UMODL1: variants seen among roughly 807,000 people sequenced by gnomAD.
UMODL1 encodes uromodulin like 1.
In UMODL1, 128 loss-of-function variants were observed where a neutral mutation model predicts 136.3. That is an observed-to-expected ratio of 0.94 (90% CI 0.81 to 1.09). The LOEUF (loss-of-function observed/expected upper bound fraction) is 1.09, where lower values mean the gene tolerates loss of function less well. Among genes scored for constraint, UMODL1 ranks in the 50% least tolerant of loss-of-function variants. UMODL1 has a pLI of 0.00. For missense variants in UMODL1, 1,766 were observed against 1,725.6 expected (o/e 1.02, Z -0.41); for synonymous variants, 721 against 720.0 (o/e 1.00, Z -0.02).
chr21:42,084,098 G>A lies in UMODL1; in HGVS notation c.334G>A (p.Gly112Arg), dbSNP rs775801275. 3.2e-5 allele frequency: 52 copies of A among 1,613,904 alleles called. No individual in the cohort carries two copies. The highest frequency in any genetic ancestry group is 1.5e-4 in the Admixed American group (9 of 59,966). ...TTTTCTCCCAGCCCTGAATCAGTCC[G>A]GGCAGTTCACGTCAAGACCTGGGGC... ...LYCVLPLNQSGQFTSRPGACP... is the reference protein window; with the variant it reads ...LYCVLPLNQSRQFTSRPGACP... The change falls in exon 3 of 23, where the codon GGG becomes AGG. Residue 112 changes from glycine to arginine, a missense_variant. Transcript: ENST00000408910.
At position 42,115,878 on chromosome 21, in the gene UMODL1, C is replaced by T. The variant is rs200664665; in HGVS notation, c.2368C>T (p.Arg790Trp). ...RAHLKVRTAA[R>W]KLIGKVRIKN... Reference sequence around the variant, plus strand: ...GCTTATCCTCCATCCTGCAGCAGCCCGGAAGCTCATTGGAAAGGTCAGAAT... The same window carrying T: ...GCTTATCCTCCATCCTGCAGCAGCCTGGAAGCTCATTGGAAAGGTCAGAAT... The change falls in exon 14 of 23, where the codon CGG (arginine) becomes TGG (tryptophan). Residue 790 changes from arginine to tryptophan, a missense_variant. Coordinates refer to ENST00000408910, the MANE Select transcript of UMODL1 (RefSeq NM_001004416.3). The T allele has an allele frequency of 5.2e-3, 8,451 of 1,613,676 alleles. 34 individuals carry two copies. The highest frequency in any genetic ancestry group is 6.3e-3 in the Non-Finnish European group (7,489 of 1,179,702).
chr21:42,137,062 C>T (rs1253196911), intron 21 of UMODL1, among the ~76,000 whole-genome samples: 1 of 152,206 alleles, frequency 6.6e-6, no homozygotes, highest in Non-Finnish European at 1.5e-5. Context: ...AGCCTGCACT[C>T]TCTATTTTTT....
rs564368897 is a variant in UMODL1, at chr21:42,116,726, A to G, written c.2475+741A>G. On this transcript the variant is annotated intron_variant, in intron 14 of 22. Transcript: ENST00000408910. Reference sequence around the variant, plus strand: ...GACTATTTTGCAAAATTGTGCAACCATCACTACTAATTCCAGAACATTTTC... The same window carrying G: ...GACTATTTTGCAAAATTGTGCAACCGTCACTACTAATTCCAGAACATTTTC... Among the ~76,000 whole-genome samples, 3 of 152,276 alleles carry G rather than the reference A, an allele frequency of 2.0e-5. No individual in the cohort carries two copies. In the South Asian group the frequency reaches 6.2e-4, roughly 32 times the overall value.
At chr21:42,086,560 A>G (rs1417454569) in intron 4 of UMODL1, 3 of 455,830 alleles carry the variant, frequency 6.6e-6, no homozygotes, top group Non-Finnish European at 1.3e-5. Flanking sequence ...ATTGGCCAGT[A>G]AGAAACTAGC....
chr21:42,128,428 G>T (rs2067090863), intron 20 of UMODL1, among the ~76,000 whole-genome samples: 1 of 152,208 alleles, frequency 6.6e-6, no homozygotes, highest in Non-Finnish European at 1.5e-5. Context: ...AGCTTAGGGA[G>T]CTCCGCTGCT....
upstream of UMODL1, among the ~76,000 whole-genome samples, chr21:42,069,229 A>AACACACACACACAC (rs61712292): frequency 0.092 from 12,475 of 136,200 alleles, 686 homozygotes; most frequent in Admixed American, 0.11. Flanking sequence ...CACAGACAGA[A>AACACACACACACAC]ACACACACAC....
intron 14 of UMODL1, among the ~76,000 whole-genome samples, chr21:42,117,814 A>G (rs1335815622): frequency 6.6e-6 from 1 of 152,264 alleles, no homozygotes; most frequent in African/African-American, 2.4e-5. Flanking sequence ...ATATTAAACA[A>G]CAAACACTGA....
At position 42,115,987 on chromosome 21, in the gene UMODL1, T is replaced by C; in HGVS notation, c.2475+2T>C. On this transcript the variant is annotated splice_donor_variant, in intron 14 of 22. Transcript: ENST00000408910. LOFTEE classifies it high-confidence loss of function. ...TTCCTAGAACTATTCTTCAGGATGGTGAGTTGGTGATATCAGCCCTTAATT... is the reference window on the plus strand; with the variant it reads ...TTCCTAGAACTATTCTTCAGGATGGCGAGTTGGTGATATCAGCCCTTAATT... The C allele has an allele frequency of 1.2e-6, 2 of 1,607,856 alleles. No homozygotes were observed. Among genetic ancestry groups the C allele is most frequent in the Non-Finnish European group, 1.7e-6 (2 of 1,175,344 alleles).
intron 22 of UMODL1, among the ~76,000 whole-genome samples, chr21:42,138,763 C>T (rs1328882546): frequency 6.6e-6 from 1 of 152,062 alleles, no homozygotes; most frequent in African/African-American, 2.4e-5. Context: ...TTAGTAGATA[C>T]AGGGTTTCTC....
intron 20 of UMODL1, chr21:42,128,263 C>T (rs760884701): frequency 3.7e-5 from 11 of 297,710 alleles, no homozygotes; most frequent in Non-Finnish European, 6.6e-5. Context: ...CTTTGTTCAA[C>T]AATCATGCAG....
At chr21:42,103,357 G>A in intron 8 of UMODL1, 1 of 281,806 alleles carries the variant, frequency 3.5e-6, no homozygotes, top group Non-Finnish European at 7.1e-6. Context: ...GTATGGGTTG[G>A]CACAAAGGCA....
chr21:42,101,291 C>T (rs572294655), intron 7 of UMODL1, among the ~76,000 whole-genome samples: 16 of 152,224 alleles, frequency 1.1e-4, no homozygotes, highest in African/African-American at 2.6e-4. Context: ...CTCTGCGATA[C>T]GTCGGGGCCT....
Position 42,127,176 on chromosome 21 carries a change from C to T in UMODL1, c.3464C>T (p.Thr1155Met), listed in dbSNP as rs373506559. Residue 1155 changes from threonine to methionine, a missense_variant, in exon 19 of 23, where the codon ACG becomes ATG. Thr to Met is a moderately conservative substitution (Grantham distance 81). Transcript: ENST00000408910. ...AAAAGCAACCTCAAGGTGGTCCTGA[C>T]GGAGTGCTGGGCAACCCCGTCTAGC... ...RQKSNLKVVLTECWATPSSNA... is the reference protein window; with the variant it reads ...RQKSNLKVVLMECWATPSSNA... 6.6e-5 allele frequency: 106 copies of T among 1,614,172 alleles called. No individual in the cohort carries two copies. Among genetic ancestry groups the T allele is most frequent in the Middle Eastern group, 4.9e-4 (3 of 6,062 alleles).
intron 2 of UMODL1, among the ~76,000 whole-genome samples, chr21:42,081,426 G>A (rs765085033): frequency 1.3e-5 from 2 of 152,158 alleles, no homozygotes; most frequent in Non-Finnish European, 2.9e-5. Flanking sequence ...ATTGAGTTAG[G>A]GACGAAGGAG....
At chr21:42,113,403 G>A (rs1351049670) in intron 12 of UMODL1, among the ~76,000 whole-genome samples, 170 bp from the exon 13 acceptor site, 2 of 152,310 alleles carry the variant, frequency 1.3e-5, no homozygotes, top group South Asian at 2.1e-4. Flanking sequence ...CAGGAAGCCC[G>A]GGCTTGGGAG....
intron 18 of UMODL1, 29 bp from the exon 19 acceptor site, chr21:42,126,975 CAT>C: frequency 6.3e-7 from 1 of 1,578,624 alleles, no homozygotes; most frequent in African/African-American, 1.3e-5. Context: ...CCTCCTGAAA[CAT>C]GCCTCCTGCA....
chr21:42,067,508 A>G (rs1258285420), upstream of UMODL1, among the ~76,000 whole-genome samples: 1 of 152,220 alleles, frequency 6.6e-6, no homozygotes, highest in African/African-American at 2.4e-5. Flanking sequence ...AATGCCACCC[A>G]GGGGACCCTG....
In UMODL1 at chr21:42,085,309, T is replaced by G. The variant is rs2066412713; in HGVS notation, c.500T>G (p.Val167Gly). ...TGTGTAGCTCCAGAGAGGGACCCTG[T>G]GGGCTCCTGGTACAACGTCACCATA... ...PAPQAPERDP[V>G]GSWYNVTILV... Residue 167 changes from valine to glycine, a missense_variant, in exon 4 of 23, where the codon GTG becomes GGG. Val to Gly is a moderately radical substitution (Grantham distance 109). Coordinates refer to ENST00000408910, the MANE Select transcript of UMODL1 (RefSeq NM_001004416.3). This position sits in a 1 kb window ranked among gnomAD's most constrained non-coding sequence, Gnocchi z 4.5. 1 of 1,613,994 alleles carries G rather than the reference T, an allele frequency of 6.2e-7. No homozygotes were observed. The highest frequency in any genetic ancestry group is 1.3e-5 in the African/African-American group (1 of 75,022).
At chr21:42,137,919 G>C (rs2067230767) in intron 22 of UMODL1, among the ~76,000 whole-genome samples, 1 of 152,094 alleles carries the variant, frequency 6.6e-6, no homozygotes, top group Admixed American at 6.5e-5. Context: ...GTGTTTTGTG[G>C]CCCTTTACGG....
Sources: gnomAD v4.1 joint callset for allele counts (sites outside exome capture counted in the v4.1 genomes callset) on GRCh38, gnomAD v4.1.1 for gene constraint, Gnocchi (gnomAD v3.1) non-coding constraint, MANE v1.5 for transcripts, NCBI Gene and HGNC (gene_info 2026-07-23, HGNC 2026-07-21) for gene names.